Variants in DCLRE1C observed in about 807,000 individuals in gnomAD.
DCLRE1C encodes protein artemis.
A neutral mutation model predicts 61.4 loss-of-function variants in DCLRE1C; 47 were observed. The ratio of observed to expected loss-of-function variants is 0.77; its 90% CI spans 0.61 to 0.98. DCLRE1C has a LOEUF of 0.98. Ranked by LOEUF, DCLRE1C falls within the 50% of genes least tolerant of loss-of-function variation. The pLI is 0.00. For missense variants in DCLRE1C, 858 were observed against 816.0 expected, an observed-to-expected ratio of 1.05 and a Z score of -0.63; for synonymous variants, 337 against 287.6, an observed-to-expected ratio of 1.17 and a Z score of -1.74.
rs1320831963 is a variant in DCLRE1C at position 14,923,369 on chromosome 10, TTC to T, written c.973-302_973-301del. 5 of 328,008 alleles carry T rather than the reference TTC, an allele frequency of 1.5e-5. No individual in the cohort carries two copies. In the East Asian group the frequency reaches 2.7e-4, roughly 18 times the overall value. 20.3% of individuals were successfully genotyped at this position (328,008 alleles called of 1,614,324 possible). On this transcript the variant is annotated intron_variant, in intron 11 of 13. Coordinates refer to ENST00000378278, the MANE Select transcript of DCLRE1C (RefSeq NM_001033855.3). ...GAGAATCACCAATGGGACTCAAAGA[TTC>T]TTTTTTTTTTCTCTTTTTTAATATA...
Position 14,906,039 on chromosome 10 carries a change from A to G in DCLRE1C, c.*2369T>C, listed in dbSNP as rs1008603351. On this transcript the variant is annotated 3_prime_UTR_variant, in exon 14 of 14. Transcript: ENST00000378278. The stretch of plus-strand genomic sequence containing the variant: ...CTTGTGGTTTATGATTCTTGACGTA[A>G]AAACCAAGTAGCTGCTACAATTAAC... Among the ~76,000 whole-genome samples the G allele has an allele frequency of 4.6e-5, 7 of 152,178 alleles. No homozygotes were observed. Among genetic ancestry groups the G allele is most frequent in the Admixed American group, 2.0e-4 (3 of 15,282 alleles).
rs1564418254 is a variant in DCLRE1C, at chr10:14,928,015, C to T, written c.917+1G>A. The stretch of plus-strand genomic sequence containing the variant: ...GAAGACCTATGATATTGCTCTCTTA[C>T]CTCACAATTACATTTGTTTTTCTGC... On this transcript the variant is annotated splice_donor_variant, in intron 10 of 13. Transcript: ENST00000378278. LOFTEE classifies it high-confidence loss of function. 1 of 1,613,648 alleles carries T rather than the reference C, an allele frequency of 6.2e-7. No individual in the cohort carries two copies. Among genetic ancestry groups the T allele is most frequent in the South Asian group, 1.1e-5 (1 of 91,070 alleles).
intron 13 of DCLRE1C, among the ~76,000 whole-genome samples, chr10:14,917,218 G>C (rs1448017559): frequency 6.6e-6 from 1 of 152,074 alleles, no homozygotes; most frequent in East Asian, 1.9e-4. Context: ...AAAATTACCT[G>C]GGATCTACAT....
At chr10:14,931,341 C>G (rs1053587053) in intron 9 of DCLRE1C, among the ~76,000 whole-genome samples, 3 of 151,152 alleles carry the variant, frequency 2.0e-5, no homozygotes, top group African/African-American at 4.9e-5. Context: ...TGTGTGGTCA[C>G]GAGGTTAGGA....
At chr10:14,916,626 A>G (rs1299097533) in intron 13 of DCLRE1C, among the ~76,000 whole-genome samples, 4 of 152,236 alleles carry the variant, frequency 2.6e-5, no homozygotes, top group Non-Finnish European at 5.9e-5. Context: ...TCTATATACT[A>G]ACAACAATCA....
chr10:14,930,111 A>G (rs116241853), intron 9 of DCLRE1C, among the ~76,000 whole-genome samples: 79 of 151,992 alleles, frequency 5.2e-4, no homozygotes, highest in African/African-American at 1.7e-3. Flanking sequence ...AAAAAGGTGT[A>G]TGTTTTATTT....
exon 14 of DCLRE1C, chr10:14,898,061 A>G (rs1363187852): frequency 6.6e-6 from 1 of 151,166 alleles, no homozygotes; most frequent in Non-Finnish European, 1.5e-5. Context: ...AAATACTAGC[A>G]AATTTATTTG....
At chr10:14,916,391 G>A (rs1382455893) in intron 13 of DCLRE1C, among the ~76,000 whole-genome samples, 1 of 152,120 alleles carries the variant, frequency 6.6e-6, no homozygotes. Flanking sequence ...AAGGTTGCAG[G>A]ATACAAGATC....
At chr10:14,929,196 G>A (rs1479030615) in intron 9 of DCLRE1C, among the ~76,000 whole-genome samples, 1 of 152,114 alleles carries the variant, frequency 6.6e-6, no homozygotes, top group Non-Finnish European at 1.5e-5. Context: ...CTTGAGGTCA[G>A]GAGTCCAAGA....
chr10:14,954,184 G>C (rs181441933), upstream of DCLRE1C: 2 of 1,144,808 alleles, frequency 1.7e-6, no homozygotes, highest in Admixed American at 4.2e-5. Flanking sequence ...GGAGCATCCG[G>C]TCGGGTTCTA....
At chr10:14,920,799 T>C (rs188350597) in intron 12 of DCLRE1C, among the ~76,000 whole-genome samples, 1 of 151,830 alleles carries the variant, frequency 6.6e-6, no homozygotes, top group South Asian at 2.1e-4. Context: ...CTGGCCAACA[T>C]GGTAAGACCC....
At chr10:14,933,017 G>A (rs1342364292) in intron 8 of DCLRE1C, 62 bp from the exon 9 acceptor site, 1 of 1,579,616 alleles carries the variant, frequency 6.3e-7, no homozygotes, top group African/African-American at 1.3e-5. Flanking sequence ...ATTGTTCAAG[G>A]TTAATTACTC....
chr10:14,939,874 A>G lies in DCLRE1C; in HGVS notation c.247-5T>C. The G allele has an allele frequency of 6.3e-7, 1 of 1,588,610 alleles. No individual in the cohort carries two copies. The highest frequency in any genetic ancestry group is 1.3e-5 in the African/African-American group (1 of 74,446). ...AGTCTCGATTTCAATAGATATCTAT[A>G]AAAATAAAATAAGAGACCATGTATA... On this transcript the variant is annotated splice_region_variant and splice_polypyrimidine_tract_variant and intron_variant, in intron 3 of 13. Transcript: ENST00000378278.
chr10:14,937,429 C>T (rs1453072987), intron 4 of DCLRE1C, among the ~76,000 whole-genome samples: 2 of 151,878 alleles, frequency 1.3e-5, no homozygotes, highest in Non-Finnish European at 2.9e-5. Context: ...ATTATAGGCG[C>T]CTGCCATCAC....
Position 14,934,685 on chromosome 10 carries a change from T to C in DCLRE1C, c.537+18A>G, listed in dbSNP as rs748946881. ...GGGCACACCCAGATGATAACCCTGT[T>C]CCTCCAGGCAGACTTACCCGACTTG... On this transcript the variant is annotated intron_variant, in intron 7 of 13. Coordinates refer to ENST00000378278, the MANE Select transcript of DCLRE1C (RefSeq NM_001033855.3). 2.5e-6 allele frequency: 4 copies of C among 1,613,330 alleles called. No individual in the cohort carries two copies. The highest frequency in any genetic ancestry group is 3.4e-6 in the Non-Finnish European group (4 of 1,179,288).
At chr10:14,937,346 T>C (rs1248143851) in intron 4 of DCLRE1C, among the ~76,000 whole-genome samples, 4 of 148,080 alleles carry the variant, frequency 2.7e-5, no homozygotes, top group African/African-American at 5.0e-5. Flanking sequence ...AGTGCGATGG[T>C]GTGATCTTGG....
At position 14,908,464 on chromosome 10, in the gene DCLRE1C, C is replaced by T; in HGVS notation, c.2023G>A (p.Ala675Thr). ...EHLQYLYEKL[A>T]TGESIAVKKR... ...TTGACTGCTATACTCTCACCAGTTG[C>T]CAGCTTCTCATATAAATATTGTAAA... Residue 675 changes from alanine (A) to threonine (T), a missense_variant, in exon 14 of 14, where the codon GCA becomes ACA. Ala to Thr is a moderately conservative substitution (Grantham distance 58). Coordinates refer to ENST00000378278, the MANE Select transcript of DCLRE1C (RefSeq NM_001033855.3). 1 of 1,613,844 alleles carries T rather than the reference C, an allele frequency of 6.2e-7. No homozygotes were observed. The highest frequency in any genetic ancestry group is 1.1e-5 in the South Asian group (1 of 91,070).
chr10:14,900,510 A>G (rs1426502786), downstream of DCLRE1C, among the ~76,000 whole-genome samples: 1 of 152,168 alleles, frequency 6.6e-6, no homozygotes, highest in Non-Finnish European at 1.5e-5. Flanking sequence ...AACATTGAAG[A>G]ATTTTTTTCT....
At chr10:14,920,898 G>A (rs540882300) in intron 12 of DCLRE1C, among the ~76,000 whole-genome samples, 47 of 151,994 alleles carry the variant, frequency 3.1e-4, no homozygotes, top group African/African-American at 2.2e-4. Flanking sequence ...CAGGAAAATC[G>A]CTTGAACCCA....
Sources: allele counts gnomAD v4.1 joint callset (sites outside exome capture counted in the v4.1 genomes callset), GRCh38; gene constraint gnomAD v4.1.1; transcripts MANE v1.5; gene names NCBI Gene and HGNC (gene_info 2026-07-23, HGNC 2026-07-21).